Variants in FSTL5 observed in about 807,000 individuals in gnomAD.
The protein encoded by FSTL5 is follistatin-related protein 5.
In FSTL5, 62 loss-of-function variants were observed where a neutral mutation model predicts 89.1. The observed-to-expected ratio is 0.70, with a 90% CI of 0.57 to 0.86. The LOEUF (loss-of-function observed/expected upper bound fraction) is 0.86, where lower values mean the gene tolerates loss of function less well. Among genes scored for constraint, FSTL5 ranks in the 40% least tolerant of loss-of-function variants. FSTL5 has a pLI of 0.00. For synonymous variants in FSTL5, 383 were observed against 346.2 expected, an observed-to-expected ratio of 1.11 and a Z score of -1.18; for missense variants, 1,057 against 1,001.6, an observed-to-expected ratio of 1.06 and a Z score of -0.75.
intron 3 of FSTL5, among the ~76,000 whole-genome samples, chr4:161,929,911 T>C (rs941048108): frequency 1.3e-5 from 2 of 151,628 alleles, no homozygotes; most frequent in African/African-American, 4.8e-5. Flanking sequence ...GATGTCTCAT[T>C]TTTCCCTCAA....
At chr4:161,388,871 T>A (rs571630808) in intron 15 of FSTL5, among the ~76,000 whole-genome samples, 1 of 152,204 alleles carries the variant, frequency 6.6e-6, no homozygotes, top group South Asian at 2.1e-4. Context: ...TACTACCGAA[T>A]GTACTCAAGT....
At chr4:162,015,525 CTT>C (rs1049168516) in intron 3 of FSTL5, among the ~76,000 whole-genome samples, 11 of 152,288 alleles carry the variant, frequency 7.2e-5, no homozygotes, top group African/African-American at 2.6e-4. Flanking sequence ...ACAGATATAA[CTT>C]AGCCTGAACC....
intron 4 of FSTL5, among the ~76,000 whole-genome samples, chr4:161,894,665 G>A (rs747131556): frequency 6.6e-6 from 1 of 151,998 alleles, no homozygotes; most frequent in Admixed American, 6.6e-5. Flanking sequence ...TTTTAGTAGC[G>A]ATGAGGGTTC....
intron 10 of FSTL5, among the ~76,000 whole-genome samples, chr4:161,518,859 C>T (rs1232427925): frequency 2.6e-5 from 4 of 152,158 alleles, no homozygotes; most frequent in African/African-American, 4.8e-5. Context: ...AGGGTTCTTG[C>T]TCAGGGTATT....
At chr4:161,406,075 G>T (rs1367275297) in intron 15 of FSTL5, among the ~76,000 whole-genome samples, 1 of 152,008 alleles carries the variant, frequency 6.6e-6, no homozygotes, top group Non-Finnish European at 1.5e-5. Flanking sequence ...ATAGAATTTG[G>T]ACAAAATCCT....
intron 15 of FSTL5, among the ~76,000 whole-genome samples, chr4:161,446,687 A>G (rs982447975): frequency 7.9e-5 from 12 of 152,086 alleles, no homozygotes; most frequent in African/African-American, 2.7e-4. Context: ...AAATATATGT[A>G]TTAATAGGCC....
intron 3 of FSTL5, among the ~76,000 whole-genome samples, chr4:161,987,503 AT>A (rs1294827891): frequency 1.4e-5 from 2 of 146,008 alleles, no homozygotes; most frequent in African/African-American, 4.9e-5. Context: ...TATATAAAAA[AT>A]AAATTTAAAA....
chr4:161,721,048 G>A (rs1005268185), intron 6 of FSTL5, among the ~76,000 whole-genome samples: 1 of 151,986 alleles, frequency 6.6e-6, no homozygotes, highest in South Asian at 2.1e-4. Context: ...GGAGGCTGAG[G>A]CGGGTGGATC....
At chr4:161,412,820 A>G (rs1048678996) in intron 15 of FSTL5, among the ~76,000 whole-genome samples, 2 of 152,232 alleles carry the variant, frequency 1.3e-5, no homozygotes, top group Admixed American at 6.5e-5. Flanking sequence ...CAACGTGGAA[A>G]GGACTTGCTA....
In FSTL5 at chr4:161,775,664, C is replaced by T. The variant is rs372054231; in HGVS notation, c.606+214G>A. Among the ~76,000 whole-genome samples, 18 of 152,022 alleles carry T rather than the reference C, an allele frequency of 1.2e-4. No homozygotes were observed. The East Asian group carries it at 2.3e-3, about 20-fold the overall frequency. ...ATAGATATCTATCAGAAGTAGATAT[C>T]TCTTTTTAAACTGTCAAACACCATA... On this transcript the variant is annotated intron_variant, in intron 5 of 15. Transcript: ENST00000306100.
chr4:161,541,502 G>A (rs1272989100), intron 9 of FSTL5, among the ~76,000 whole-genome samples: 1 of 152,008 alleles, frequency 6.6e-6, no homozygotes, highest in Non-Finnish European at 1.5e-5. Flanking sequence ...AGATATGTGT[G>A]CAAATGTGTC....
intron 2 of FSTL5, among the ~76,000 whole-genome samples, chr4:162,071,630 A>T (rs939837327): frequency 6.6e-6 from 1 of 151,742 alleles, no homozygotes; most frequent in Non-Finnish European, 1.5e-5. Context: ...TAACTGTACT[A>T]TAGACCATAC....
intron 15 of FSTL5, among the ~76,000 whole-genome samples, chr4:161,448,644 C>G (rs188586145): frequency 5.9e-5 from 9 of 152,262 alleles, no homozygotes; most frequent in African/African-American, 2.2e-4. Context: ...ACTGCCGGAG[C>G]GGTGTCCGCT....
chr4:162,111,400 T>TA lies in FSTL5; in HGVS notation c.-5dup. 6.2e-7 allele frequency: 1 copy of TA among 1,605,002 alleles called. No individual in the cohort carries two copies. ...CAACTGACCAGCACTTAAACATCCTTATTGCTTTTCACCTGTCAAAATTAA... is the reference window on the plus strand; with the variant it reads ...CAACTGACCAGCACTTAAACATCCTTAATTGCTTTTCACCTGTCAAAATTAA... On this transcript the variant is annotated 5_prime_UTR_variant, in exon 2 of 16. Coordinates refer to ENST00000306100, the MANE Select transcript of FSTL5 (RefSeq NM_020116.5).
chr4:161,394,614 C>G (rs920042331), intron 15 of FSTL5, among the ~76,000 whole-genome samples: 4 of 152,128 alleles, frequency 2.6e-5, no homozygotes, highest in African/African-American at 7.2e-5. Flanking sequence ...AAAGGTTACA[C>G]ATATGATCAA....
chr4:161,628,847 C>T (rs1735401569), intron 7 of FSTL5, among the ~76,000 whole-genome samples: 1 of 152,118 alleles, frequency 6.6e-6, no homozygotes, highest in Admixed American at 6.6e-5. Flanking sequence ...CCTGGCTGTA[C>T]TATGAAAGTC....
At chr4:162,084,762 G>A (rs573989161) in intron 2 of FSTL5, among the ~76,000 whole-genome samples, 6 of 151,924 alleles carry the variant, frequency 3.9e-5, no homozygotes, top group East Asian at 3.9e-4. Flanking sequence ...ATCACACACC[G>A]GCACCTACCA....
chr4:161,901,816 T>A (rs1733373237), intron 4 of FSTL5, among the ~76,000 whole-genome samples: 1 of 152,086 alleles, frequency 6.6e-6, no homozygotes, highest in Non-Finnish European at 1.5e-5. Context: ...GCGCCTGTAG[T>A]CCCAGCTACT....
intron 6 of FSTL5, among the ~76,000 whole-genome samples, chr4:161,712,730 A>G (rs1738838940): frequency 6.6e-6 from 1 of 151,340 alleles, no homozygotes; most frequent in South Asian, 2.1e-4. Context: ...TTCTCACTCC[A>G]TGAGTTCACT....
Sources: allele counts gnomAD v4.1 joint callset (sites outside exome capture counted in the v4.1 genomes callset), GRCh38; gene constraint gnomAD v4.1.1; transcripts MANE v1.5; gene names NCBI Gene and HGNC (gene_info 2026-07-23, HGNC 2026-07-21).